The following CENPW variants were observed in gnomAD, a reference collection of about 807,000 sequenced individuals.
CENPW encodes cancer-up-regulated gene 2 protein.
In CENPW, 3 loss-of-function variants were observed where a neutral mutation model predicts 11.1. The ratio of observed to expected loss-of-function variants is 0.27; its 90% CI spans 0.12 to 0.70. The LOEUF (loss-of-function observed/expected upper bound fraction) is 0.70, where lower values mean the gene tolerates loss of function less well. Ranked by LOEUF, CENPW falls within the 30% of genes least tolerant of loss-of-function variation. CENPW has a pLI of 0.77. For missense variants in CENPW, 100 were observed against 105.6 expected (o/e 0.95, Z 0.23); for synonymous variants, 38 against 42.0 (o/e 0.91, Z 0.37).
chr6:126,472,876 T>C, the CENPW span, among the ~76,000 whole-genome samples: 2 of 152,320 alleles, frequency 1.3e-5, no homozygotes, highest in Middle Eastern at 3.4e-3. Context: ...GATTTTAATT[T>C]CTATATCCTT....
chr6:126,357,763 C>G, the CENPW span, among the ~76,000 whole-genome samples: 1 of 152,100 alleles, frequency 6.6e-6, no homozygotes. Flanking sequence ...CATGTGCCAC[C>G]ACACCTGGCT....
chr6:126,476,735 T>C, the CENPW span, among the ~76,000 whole-genome samples: 1 of 151,984 alleles, frequency 6.6e-6, no homozygotes, highest in Non-Finnish European at 1.5e-5. Context: ...TAAGGAGATA[T>C]ATCACAAATT....
chr6:126,445,074 C>G, the CENPW span, among the ~76,000 whole-genome samples: 1 of 151,174 alleles, frequency 6.6e-6, no homozygotes, highest in Non-Finnish European at 1.5e-5. Flanking sequence ...TCTGTGGTCC[C>G]TTGAACTCAC....
the CENPW span, among the ~76,000 whole-genome samples, chr6:126,468,369 G>A: frequency 8.7e-6 from 1 of 114,804 alleles, no homozygotes; most frequent in Non-Finnish European, 1.6e-5. Context: ...GCAATGAGCC[G>A]AAATAGCGCC....
chr6:126,457,889 A>G, the CENPW span, among the ~76,000 whole-genome samples: 1 of 151,312 alleles, frequency 6.6e-6, no homozygotes, highest in Non-Finnish European at 1.5e-5. Flanking sequence ...TGGTAGAAGT[A>G]TTTGGGTCCT....
chr6:126,431,780 A>T, the CENPW span, among the ~76,000 whole-genome samples: 1 of 152,052 alleles, frequency 6.6e-6, no homozygotes, highest in Admixed American at 6.6e-5. Flanking sequence ...GAAATGAGCA[A>T]TACTGGCCAG....
chr6:126,395,763 TA>T, the CENPW span, among the ~76,000 whole-genome samples: 3 of 152,306 alleles, frequency 2.0e-5, no homozygotes, highest in African/African-American at 7.2e-5. Context: ...CCTAGCCCAG[TA>T]ACACTGTGGT....
the CENPW span, among the ~76,000 whole-genome samples, chr6:126,415,187 T>G: frequency 1.3e-5 from 2 of 151,794 alleles, no homozygotes; most frequent in African/African-American, 4.8e-5. Flanking sequence ...GGTTGAGTAT[T>G]CATTATGTTC....
chr6:126,482,945 A>G, the CENPW span, among the ~76,000 whole-genome samples: 3 of 151,916 alleles, frequency 2.0e-5, no homozygotes, highest in African/African-American at 7.2e-5. Context: ...TTTTATCAAT[A>G]TTGTGTCTTT....
the CENPW span, among the ~76,000 whole-genome samples, chr6:126,462,530 TCTCACACA>T: frequency 2.1e-5 from 3 of 144,032 alleles, no homozygotes; most frequent in African/African-American, 7.6e-5. Flanking sequence ...TCTCTCTCTC[TCTCACACA>T]CACACACACA....
the CENPW span, among the ~76,000 whole-genome samples, chr6:126,471,621 T>C: frequency 6.6e-6 from 1 of 151,968 alleles, no homozygotes; most frequent in South Asian, 2.1e-4. Flanking sequence ...ATCACAGTAA[T>C]CAAAATAAAC....
At chr6:126,443,309 T>A in the CENPW span, among the ~76,000 whole-genome samples, 3 of 151,244 alleles carry the variant, frequency 2.0e-5, no homozygotes, top group Non-Finnish European at 4.4e-5. Flanking sequence ...AACTGCGTAA[T>A]TTGTCCAGAA....
the CENPW span, among the ~76,000 whole-genome samples, chr6:126,381,314 A>G: frequency 6.6e-6 from 1 of 152,130 alleles, no homozygotes; most frequent in African/African-American, 2.4e-5. Context: ...CACCCTTATT[A>G]CTAGGCAAGA....
chr6:126,401,730 C>T, the CENPW span, among the ~76,000 whole-genome samples: 3 of 151,812 alleles, frequency 2.0e-5, no homozygotes, highest in African/African-American at 4.8e-5. Context: ...ATGCTGAATC[C>T]GTCACCAAGC....
chr6:126,415,271 T>C, the CENPW span, among the ~76,000 whole-genome samples: 5 of 152,156 alleles, frequency 3.3e-5, no homozygotes, highest in African/African-American at 9.7e-5. Context: ...ATTTCCACTT[T>C]ATTATTTATT....
At chr6:126,380,975 G>C in the CENPW span, among the ~76,000 whole-genome samples, 1 of 152,108 alleles carries the variant, frequency 6.6e-6, no homozygotes, top group Non-Finnish European at 1.5e-5. Context: ...AAAGAACCCT[G>C]CTAAGACAGT....
chr6:126,403,244 G>A, the CENPW span, among the ~76,000 whole-genome samples: 2 of 152,080 alleles, frequency 1.3e-5, no homozygotes, highest in African/African-American at 4.8e-5. Context: ...TCAGTGGGCT[G>A]TAAGTATTTA....
chr6:126,412,637 A>G, the CENPW span, among the ~76,000 whole-genome samples: 1 of 151,906 alleles, frequency 6.6e-6, no homozygotes, highest in East Asian at 1.9e-4. Flanking sequence ...CTTTGAATAT[A>G]TTTTTCTGCT....
the CENPW span, among the ~76,000 whole-genome samples, chr6:126,397,258 A>G: frequency 9.5e-4 from 144 of 152,226 alleles, no homozygotes; most frequent in African/African-American, 3.3e-3. Flanking sequence ...TCCTCTCCCT[A>G]GGGCTAGTCT....
Sources: allele counts gnomAD v4.1 joint callset (sites outside exome capture counted in the v4.1 genomes callset), GRCh38; gene constraint gnomAD v4.1.1; transcripts MANE v1.5; gene names NCBI Gene and HGNC (gene_info 2026-07-23, HGNC 2026-07-21).